Variants in TYW5 observed in about 807,000 individuals in gnomAD.
TYW5 encodes tRNA wybutosine-synthesizing protein 5.
A neutral mutation model predicts 44.4 loss-of-function variants in TYW5; 36 were observed. The observed-to-expected ratio is 0.81, with a 90% CI of 0.62 to 1.07. TYW5 has a LOEUF of 1.07. Ranked by LOEUF, TYW5 falls within the 50% of genes least tolerant of loss-of-function variation. The pLI, the probability that TYW5 is intolerant of heterozygous loss-of-function variation, is 0.00. For synonymous variants in TYW5, 121 were observed against 128.1 expected (o/e 0.94, Z 0.37); for missense variants, 354 against 365.7 (o/e 0.97, Z 0.26).
chr2:199,941,505 GATA>G (rs935956767), intron 3 of TYW5, among the ~76,000 whole-genome samples: 1 of 152,086 alleles, frequency 6.6e-6, no homozygotes, highest in Non-Finnish European at 1.5e-5. Flanking sequence ...AACTTCAAAA[GATA>G]ATAATATTTA....
rs750352370 is a variant in TYW5 at position 199,933,133 on chromosome 2, C to G, written c.882G>C (p.Arg294Ser). The G allele has an allele frequency of 6.2e-7, 1 of 1,614,022 alleles. No homozygotes were observed. Among genetic ancestry groups the G allele is most frequent in the South Asian group, 1.1e-5 (1 of 91,082 alleles). The change falls in exon 8 of 8, where the codon AGG becomes AGC. Residue 294 changes from arginine to serine, a missense_variant. Coordinates refer to ENST00000354611, the MANE Select transcript of TYW5 (RefSeq NM_001039693.3). ...KTLAELPEEY[R>S]DFYARRMVLH... Reference sequence around the variant, plus strand: ...GGACCATTCGTCGTGCATAGAAGTCCCTATATTCCTCTGGTAACTCGGCCA... The same window carrying G: ...GGACCATTCGTCGTGCATAGAAGTCGCTATATTCCTCTGGTAACTCGGCCA...
In TYW5 at chr2:199,931,671, T is replaced by C. The variant is rs1183284962; in HGVS notation, c.*1396A>G. The C allele has an allele frequency of 6.6e-6, 1 of 152,220 alleles. No homozygotes were observed. The highest frequency in any genetic ancestry group is 1.5e-5 in the Non-Finnish European group (1 of 68,028). 9.4% of individuals were successfully genotyped at this position (152,220 alleles called of 1,614,324 possible). The stretch of plus-strand genomic sequence containing the variant: ...GACACCTAGGAAATTCAGAATGTTA[T>C]ATATGCTTTTCCTTATTTACTATAA... On this transcript the variant is annotated 3_prime_UTR_variant, in exon 8 of 8. Coordinates refer to ENST00000354611, the MANE Select transcript of TYW5 (RefSeq NM_001039693.3).
intron 7 of TYW5, among the ~76,000 whole-genome samples, chr2:199,934,248 T>G (rs1416138636): frequency 5.3e-5 from 8 of 152,198 alleles, no homozygotes; most frequent in Admixed American, 2.0e-4. Context: ...TTTTTTCCCT[T>G]ATTCAATATA....
chr2:199,944,809 CTA>C (rs2077491647), intron 2 of TYW5: 1 of 152,198 alleles, frequency 6.6e-6, no homozygotes, highest in Non-Finnish European at 1.5e-5. Flanking sequence ...TTCTCCTTCT[CTA>C]TGAGAAGATG....
chr2:199,946,246 C>G (rs1277227109), intron 2 of TYW5: 5 of 152,156 alleles, frequency 3.3e-5, no homozygotes, highest in South Asian at 2.1e-4. Flanking sequence ...CAGTAAAGGA[C>G]AGATGGTGGG....
chr2:199,949,486 A>T (rs2105710548), intron 1 of TYW5, among the ~76,000 whole-genome samples: 1 of 152,328 alleles, frequency 6.6e-6, no homozygotes, highest in Admixed American at 6.5e-5. Flanking sequence ...CTAACCCAGA[A>T]TTCAATCTGA....
At chr2:199,940,247 ATTATGTAC>A in intron 3 of TYW5, 114 bp from the exon 4 acceptor site, 1 of 922,462 alleles carries the variant, frequency 1.1e-6, no homozygotes, top group Non-Finnish European at 1.6e-6. Context: ...AAAAAAAAGA[ATTATGTAC>A]TGAGAACTAC....
Position 199,932,124 on chromosome 2 carries a change from C to A in TYW5, c.*943G>T, listed in dbSNP as rs1574790482. On this transcript the variant is annotated 3_prime_UTR_variant, in exon 8 of 8. Transcript: ENST00000354611. ...TTAAACATTTGTTTTGCACTAATCA[C>A]AAAACTAATAATCCAAGTCACTATC... 6.6e-6 allele frequency: 1 copy of A among 152,102 alleles called. No homozygotes were observed. The highest frequency in any genetic ancestry group is 2.4e-5 in the African/African-American group (1 of 41,414). The allele number at this position is 152,102 out of a possible 1,614,324, so 9.4% of individuals were successfully genotyped here.
intron 7 of TYW5, among the ~76,000 whole-genome samples, chr2:199,934,815 A>G (rs2077406538): frequency 6.6e-6 from 1 of 152,088 alleles, no homozygotes; most frequent in Non-Finnish European, 1.5e-5. Flanking sequence ...TTAATTACAG[A>G]TGTTAATTAC....
intron 2 of TYW5, chr2:199,944,169 G>A (rs551296407): frequency 8.3e-5 from 15 of 180,002 alleles, no homozygotes; most frequent in African/African-American, 3.5e-4. Context: ...CAGACTTTCA[G>A]GTTCTGATTG....
rs1221028568 is a variant in TYW5 at position 199,947,784 on chromosome 2, G to A, written c.233+534C>T. On this transcript the variant is annotated intron_variant, in intron 2 of 7. Transcript: ENST00000354611. ...CTTCCATGACTCCAGAAGGTATTGG[G>A]TATATACCCTATTTAAAAAATTGTT... 4 of 157,116 alleles carry A rather than the reference G, an allele frequency of 2.5e-5. No individual in the cohort carries two copies. The East Asian group carries it at 7.6e-4, about 30-fold the overall frequency. 9.7% of individuals were successfully genotyped at this position (157,116 alleles called of 1,614,324 possible).
chr2:199,933,382 A>G (rs1433599590), intron 7 of TYW5, 59 bp from the exon 8 acceptor site: 5 of 1,447,514 alleles, frequency 3.5e-6, no homozygotes, highest in Non-Finnish European at 2.8e-6. Context: ...AAAAACCCAA[A>G]ATGTCAGTGA....
intron 1 of TYW5, among the ~76,000 whole-genome samples, chr2:199,950,124 AATAT>A: frequency 1.3e-5 from 2 of 152,240 alleles, no homozygotes; most frequent in Admixed American, 1.3e-4. Context: ...ATATCGCACA[AATAT>A]ATATACACGT....
Position 199,940,117 on chromosome 2 carries a change from AAGTAG to A in TYW5, c.315_319del (p.Tyr106ThrfsTer8), listed in dbSNP as rs1176996535. On this transcript the variant is annotated frameshift_variant, in exon 4 of 8. Transcript: ENST00000354611. LOFTEE classifies it high-confidence loss of function. Reference sequence around the variant, plus strand: ...TCTAGGGTCTTCTCCAAGTGACCGTAAGTAGTATTTCTCATCCTTAAACACCCCAG... The same window carrying A: ...TCTAGGGTCTTCTCCAAGTGACCGTATATTTCTCATCCTTAAACACCCCAG... 2 of 1,612,638 alleles carry A rather than the reference AAGTAG, an allele frequency of 1.2e-6. No homozygotes were observed. Among genetic ancestry groups the A allele is most frequent in the Non-Finnish European group, 1.7e-6 (2 of 1,179,422 alleles).
chr2:199,939,347 C>T (rs530189777), intron 4 of TYW5, among the ~76,000 whole-genome samples: 1 of 152,280 alleles, frequency 6.6e-6, no homozygotes, highest in African/African-American at 2.4e-5. Flanking sequence ...AGGTGATCCA[C>T]CCACCTCAGC....
At chr2:199,942,631 G>A (rs919149600) in intron 3 of TYW5, 2 of 151,950 alleles carry the variant, frequency 1.3e-5, no homozygotes, top group African/African-American at 4.8e-5. Context: ...TGCAGCTAAT[G>A]GAATCCATTT....
intron 1 of TYW5, among the ~76,000 whole-genome samples, chr2:199,949,336 C>G (rs1009036702): frequency 1.3e-5 from 2 of 152,140 alleles, no homozygotes; most frequent in African/African-American, 4.8e-5. Context: ...CCATTGTACT[C>G]CAGCCTGGGC....
At position 199,928,960 on chromosome 2, in the gene TYW5, A is replaced by AAAG. The variant is rs1367407793; in HGVS notation, c.*4104_*4106dup. On this transcript the variant is annotated 3_prime_UTR_variant, in exon 8 of 8. Coordinates refer to ENST00000354611, the MANE Select transcript of TYW5 (RefSeq NM_001039693.3). ...ATTAAATCTTATGAGGTAAAATACAAAAGGTAGTATTCATAAAAGAGCTAT... is the reference window on the plus strand; with the variant it reads ...ATTAAATCTTATGAGGTAAAATACAAAAGAAGGTAGTATTCATAAAAGAGCTAT... 6.6e-6 allele frequency among the ~76,000 whole-genome samples: 1 copy of AAAG among 152,212 alleles called. No individual in the cohort carries two copies. Among genetic ancestry groups the AAAG allele is most frequent in the African/African-American group, 2.4e-5 (1 of 41,456 alleles).
At chr2:199,933,913 T>C (rs925382909) in intron 7 of TYW5, among the ~76,000 whole-genome samples, 2 of 152,140 alleles carry the variant, frequency 1.3e-5, no homozygotes, top group African/African-American at 4.8e-5. Flanking sequence ...CTACAGCAAA[T>C]ATTTTGGTGG....
Sources: allele counts gnomAD v4.1 joint callset (sites outside exome capture counted in the v4.1 genomes callset), GRCh38; gene constraint gnomAD v4.1.1; transcripts MANE v1.5; gene names NCBI Gene and HGNC (gene_info 2026-07-23, HGNC 2026-07-21).